Variants in HMGB1 observed in about 807,000 individuals in gnomAD.
HMGB1 encodes high mobility group protein B1.
For missense variants in HMGB1, 79 were observed against 253.5 expected (o/e 0.31, Z 4.67); for synonymous variants, 81 against 84.0 (o/e 0.96, Z 0.19).
intron 1 of HMGB1, among the ~76,000 whole-genome samples, chr13:30,571,624 AGCT>A (rs1566028743): frequency 1.3e-5 from 2 of 152,208 alleles, no homozygotes; most frequent in Non-Finnish European, 2.9e-5. Flanking sequence ...TGGACAATTA[AGCT>A]GTAGAATAAA....
intron 1 of HMGB1, chr13:30,464,513 G>C (rs1197366264): frequency 1.0e-6 from 1 of 984,776 alleles, no homozygotes; most frequent in African/African-American, 1.8e-5. Flanking sequence ...GCGCGGCCGA[G>C]GAGAGAGGAC....
chr13:30,569,275 T>A (rs1451800480), intron 1 of HMGB1, among the ~76,000 whole-genome samples: 1 of 152,234 alleles, frequency 6.6e-6, no homozygotes, highest in Non-Finnish European at 1.5e-5. Flanking sequence ...ATAAAAGTGC[T>A]CGGACAGGCC....
chr13:30,533,794 A>T (rs1216705640), intron 1 of HMGB1, among the ~76,000 whole-genome samples: 2 of 152,038 alleles, frequency 1.3e-5, no homozygotes, highest in African/African-American at 2.4e-5. Context: ...TGTATTGTAA[A>T]TTTTTCCCTT....
intron 1 of HMGB1, among the ~76,000 whole-genome samples, chr13:30,534,643 A>T (rs1257362010): frequency 2.5e-5 from 3 of 119,210 alleles, no homozygotes; most frequent in African/African-American, 6.6e-5. Context: ...TTTTGACACC[A>T]TCTTTGCTCA....
chr13:30,521,530 G>A (rs1024581298), intron 1 of HMGB1, among the ~76,000 whole-genome samples: 4 of 152,194 alleles, frequency 2.6e-5, no homozygotes, highest in African/African-American at 9.6e-5. Context: ...GTTCATCCAT[G>A]TTGTAGTATA....
At chr13:30,496,579 C>T (rs1048697568) in intron 1 of HMGB1, among the ~76,000 whole-genome samples, 4 of 152,234 alleles carry the variant, frequency 2.6e-5, no homozygotes, top group African/African-American at 7.2e-5. Context: ...ACCAAGAAAG[C>T]AGCGTCCTAG....
chr13:30,614,874 T>A, intron 1 of HMGB1, among the ~76,000 whole-genome samples: 1 of 127,180 alleles, frequency 7.9e-6, no homozygotes, highest in East Asian at 2.1e-4. Flanking sequence ...AATTTTTGTA[T>A]TTTTTTTTTT....
chr13:30,464,602 T>C (rs867967698), intron 1 of HMGB1: 15 of 983,118 alleles, frequency 1.5e-5, no homozygotes, highest in Middle Eastern at 5.2e-4. Context: ...GCCCCCATTT[T>C]GTCAGGCTCG....
chr13:30,570,042 T>A (rs1395676119), intron 1 of HMGB1, among the ~76,000 whole-genome samples: 1 of 152,148 alleles, frequency 6.6e-6, no homozygotes, highest in Admixed American at 6.5e-5. Context: ...CCCAGTGCAT[T>A]CCCCCTTGAT....
chr13:30,552,000 T>C (rs1869449757), intron 1 of HMGB1, among the ~76,000 whole-genome samples: 1 of 152,154 alleles, frequency 6.6e-6, no homozygotes, highest in South Asian at 2.1e-4. Context: ...GGCCAATCGC[T>C]GCAATTTTAA....
chr13:30,595,285 T>C (rs1418878780), intron 1 of HMGB1, among the ~76,000 whole-genome samples: 1 of 152,196 alleles, frequency 6.6e-6, no homozygotes, highest in Non-Finnish European at 1.5e-5. Flanking sequence ...CTAAATAAAA[T>C]GGTAGAGGTA....
chr13:30,602,647 A>T (rs910158274), intron 1 of HMGB1, among the ~76,000 whole-genome samples: 2 of 152,200 alleles, frequency 1.3e-5, no homozygotes, highest in Non-Finnish European at 2.9e-5. Flanking sequence ...AGCTGGCTTT[A>T]TTATCTGTTG....
intron 1 of HMGB1, among the ~76,000 whole-genome samples, chr13:30,575,897 T>C (rs1870634897): frequency 6.6e-6 from 1 of 152,078 alleles, no homozygotes; most frequent in Admixed American, 6.5e-5. Context: ...AGTGAGACCC[T>C]GTCTCTAAAA....
intron 1 of HMGB1, among the ~76,000 whole-genome samples, chr13:30,537,034 G>C (rs899797945): frequency 6.6e-6 from 1 of 152,208 alleles, no homozygotes; most frequent in Non-Finnish European, 1.5e-5. Flanking sequence ...ATGTCTTCTA[G>C]AAACTTCCTG....
At chr13:30,486,455 G>A (rs761121212) in intron 1 of HMGB1, among the ~76,000 whole-genome samples, 5 of 152,224 alleles carry the variant, frequency 3.3e-5, no homozygotes, top group African/African-American at 4.8e-5. Context: ...TATGGATGAC[G>A]GGAGGGCAGT....
At chr13:30,462,842 T>C in intron 3 of HMGB1, 130 bp from the exon 4 acceptor site, 2 of 700,610 alleles carry the variant, frequency 2.9e-6, no homozygotes, top group South Asian at 3.8e-5. Context: ...GTGCAAATAC[T>C]ATAATATACT....
intron 1 of HMGB1, among the ~76,000 whole-genome samples, chr13:30,557,494 G>A (rs1869740077): frequency 6.6e-6 from 1 of 152,214 alleles, no homozygotes; most frequent in South Asian, 2.1e-4. Flanking sequence ...ATGTCTCTGC[G>A]GCCCAGTGCC....
At chr13:30,542,808 G>A (rs535668843) in intron 1 of HMGB1, 68 of 167,722 alleles carry the variant, frequency 4.1e-4, no homozygotes, top group African/African-American at 1.6e-3. Context: ...TTTCTCTGTG[G>A]AAGTCTCCCA....
chr13:30,559,601 A>T lies in HMGB1; in HGVS notation c.-15+57070T>A, dbSNP rs1033071959. On this transcript the variant is annotated intron_variant, in intron 1 of 4. Transcript: ENST00000405805. This position sits in a 1 kb window ranked among gnomAD's most constrained non-coding sequence, Gnocchi z 6.6. The stretch of plus-strand genomic sequence containing the variant: ...TTAAATTTAGATAGCCACATAGGGA[A>T]ATCAGTTTTTAAGAAAGCGGATGGA... 1.7e-4 allele frequency among the ~76,000 whole-genome samples: 26 copies of T among 152,184 alleles called. No homozygotes were observed. Among genetic ancestry groups the T allele is most frequent in the Non-Finnish European group, 1.9e-4 (13 of 68,032 alleles).
Sources: gnomAD v4.1 joint callset for allele counts (sites outside exome capture counted in the v4.1 genomes callset) on GRCh38, gnomAD v4.1.1 for gene constraint, Gnocchi (gnomAD v3.1) non-coding constraint, MANE v1.5 for transcripts, NCBI Gene and HGNC (gene_info 2026-07-23, HGNC 2026-07-21) for gene names.